The following PPP3R1 variants were observed in gnomAD, a reference collection of about 807,000 sequenced individuals.
PPP3R1 encodes the protein protein phosphatase 3 regulatory subunit B, alpha.
Under a neutral mutation model 22.6 loss-of-function variants are expected in PPP3R1, and 5 were observed. The ratio of observed to expected loss-of-function variants is 0.22; its 90% confidence interval spans 0.12 to 0.46. The LOEUF (loss-of-function observed/expected upper bound fraction) is 0.46, where lower values mean the gene tolerates loss of function less well. Among genes scored for constraint, PPP3R1 ranks in the 20% least tolerant of loss-of-function variants. The pLI, the probability that PPP3R1 is intolerant of heterozygous loss-of-function variation, is 0.99. For missense variants in PPP3R1, 61 were observed against 203.2 expected, an observed-to-expected ratio of 0.30 and a Z score of 4.25; for synonymous variants, 56 against 65.2, an observed-to-expected ratio of 0.86 and a Z score of 0.68.
chr2:68,184,460 A>G (rs557186602), intron 5 of PPP3R1, among the ~76,000 whole-genome samples: 12 of 152,200 alleles, frequency 7.9e-5, no homozygotes, highest in East Asian at 3.9e-4. Flanking sequence ...TTTCTAATTC[A>G]TTGCATTTTA....
chr2:68,234,236 G>A (rs977598716), intron 1 of PPP3R1, among the ~76,000 whole-genome samples: 1 of 152,002 alleles, frequency 6.6e-6, no homozygotes, highest in Non-Finnish European at 1.5e-5. Context: ...CCAGCTACTC[G>A]GGAGGCTAAG....
At chr2:68,214,522 GA>G (rs1669540340) in intron 2 of PPP3R1, among the ~76,000 whole-genome samples, 1 of 152,032 alleles carries the variant, frequency 6.6e-6, no homozygotes, top group African/African-American at 2.4e-5. Flanking sequence ...ACAATCATAT[GA>G]AAAAAATTCT....
chr2:68,244,739 GTCTT>G (rs1670202570), intron 1 of PPP3R1, among the ~76,000 whole-genome samples: 1 of 151,630 alleles, frequency 6.6e-6, no homozygotes, highest in African/African-American at 2.4e-5. Flanking sequence ...ATTATCCTTT[GTCTT>G]TCTTTCATAA....
chr2:68,194,927 C>T (rs1674737491), intron 2 of PPP3R1, among the ~76,000 whole-genome samples: 1 of 152,018 alleles, frequency 6.6e-6, no homozygotes, highest in Non-Finnish European at 1.5e-5. Context: ...TAAAACAAAG[C>T]AAGTATCTCT....
At chr2:68,182,076 C>G (rs1354401097) in intron 5 of PPP3R1, among the ~76,000 whole-genome samples, 5 of 69,254 alleles carry the variant, frequency 7.2e-5, no homozygotes, top group African/African-American at 4.3e-4. Flanking sequence ...CTCCAACCCC[C>G]CCCTCCCCCC....
chr2:68,239,545 G>A (rs1007248975), intron 1 of PPP3R1, among the ~76,000 whole-genome samples: 1 of 152,160 alleles, frequency 6.6e-6, no homozygotes, highest in Non-Finnish European at 1.5e-5. Context: ...TGAGTTTGAG[G>A]TGTCTTAGAA....
In PPP3R1 at chr2:68,248,519, A is replaced by G. The variant is rs980510380; in HGVS notation, c.3+3606T>C. On this transcript the variant is annotated intron_variant, in intron 1 of 5. Transcript: ENST00000234310. ...CAGTGGTTCTCAAAGTTCAGCCTAT[A>G]TCACAATTACCTGGAAGACCTATAA... is the stretch of plus-strand genomic sequence containing the variant. 2.6e-5 allele frequency among the ~76,000 whole-genome samples: 4 copies of G among 152,324 alleles called. No homozygotes were observed. The South Asian group carries it at 6.2e-4, about 24-fold the overall frequency.
At chr2:68,188,931 T>C (rs1674605289) in intron 2 of PPP3R1, among the ~76,000 whole-genome samples, 1 of 152,156 alleles carries the variant, frequency 6.6e-6, no homozygotes, top group Non-Finnish European at 1.5e-5. Context: ...TCTGTTTGTT[T>C]GCACCTGCCA....
At chr2:68,226,578 A>G (rs977060404) in intron 1 of PPP3R1, among the ~76,000 whole-genome samples, 1 of 152,188 alleles carries the variant, frequency 6.6e-6, no homozygotes, top group African/African-American at 2.4e-5. Flanking sequence ...CAGAATCATG[A>G]GACACCAAAA....
chr2:68,243,244 A>G (rs929728713), intron 1 of PPP3R1, among the ~76,000 whole-genome samples: 2 of 152,214 alleles, frequency 1.3e-5, no homozygotes, highest in African/African-American at 4.8e-5. Context: ...TTCATAGTAC[A>G]AGACTATAAA....
At chr2:68,200,541 A>G (rs1316889680) in intron 2 of PPP3R1, among the ~76,000 whole-genome samples, 3 of 152,230 alleles carry the variant, frequency 2.0e-5, no homozygotes, top group Non-Finnish European at 4.4e-5. Context: ...GAAACCTTGA[A>G]GATGACAAAC....
At chr2:68,235,837 T>G (rs1336401778) in intron 1 of PPP3R1, among the ~76,000 whole-genome samples, 3 of 152,234 alleles carry the variant, frequency 2.0e-5, no homozygotes, top group African/African-American at 7.2e-5. Flanking sequence ...TTCCAGTTTC[T>G]CCACATCCTT....
chr2:68,183,084 T>A (rs1000890035), intron 5 of PPP3R1, among the ~76,000 whole-genome samples: 2 of 152,172 alleles, frequency 1.3e-5, no homozygotes, highest in African/African-American at 2.4e-5. Context: ...GATCCTACAC[T>A]CTCTACTTGT....
At chr2:68,202,627 G>T (rs778280518) in intron 2 of PPP3R1, among the ~76,000 whole-genome samples, 1 of 151,046 alleles carries the variant, frequency 6.6e-6, no homozygotes, top group Non-Finnish European at 1.5e-5. Context: ...GTTTCACCAT[G>T]TTGGCCAGGC....
At chr2:68,186,343 C>A in intron 5 of PPP3R1, 125 bp downstream of exon 5, 1 of 831,874 alleles carries the variant, frequency 1.2e-6, no homozygotes. Flanking sequence ...CAAAACAATA[C>A]GGGCAATTAG....
intron 2 of PPP3R1, among the ~76,000 whole-genome samples, chr2:68,204,620 T>C (rs1191155930): frequency 6.6e-6 from 1 of 152,130 alleles, no homozygotes; most frequent in Middle Eastern, 3.2e-3. Context: ...ATTGTGCCCC[T>C]CTCCTGAGGC....
intron 2 of PPP3R1, among the ~76,000 whole-genome samples, chr2:68,204,758 G>C (rs567235373): frequency 1.3e-5 from 2 of 152,250 alleles, no homozygotes; most frequent in South Asian, 2.1e-4. Context: ...TAACTACCAG[G>C]TTTTCCCAAA....
In PPP3R1 at chr2:68,249,725, T is replaced by C. The variant is rs115504807; in HGVS notation, c.3+2400A>G. On this transcript the variant is annotated intron_variant, in intron 1 of 5. Coordinates refer to ENST00000234310, the MANE Select transcript of PPP3R1 (RefSeq NM_000945.4). ...TGAAGGGAGGGAAAGACTTTAACTTTCAGGAAAAAAAAAAATAAACTACGT... is the reference window on the plus strand; with the variant it reads ...TGAAGGGAGGGAAAGACTTTAACTTCCAGGAAAAAAAAAAATAAACTACGT... Among the ~76,000 whole-genome samples the C allele has an allele frequency of 4.9e-3, 737 of 149,182 alleles. 11 individuals carry two copies. Among genetic ancestry groups the C allele is most frequent in the African/African-American group, 0.017 (697 of 40,564 alleles).
At chr2:68,181,528 T>TAC (rs1674400834) in intron 5 of PPP3R1, among the ~76,000 whole-genome samples, 1 of 151,890 alleles carries the variant, frequency 6.6e-6, no homozygotes, top group Non-Finnish European at 1.5e-5. Context: ...TAACAGGCAT[T>TAC]ACTTTTTGGG....
Sources: gnomAD v4.1 joint callset for allele counts (sites outside exome capture counted in the v4.1 genomes callset) on GRCh38, gnomAD v4.1.1 for gene constraint, MANE v1.5 for transcripts, NCBI Gene and HGNC (gene_info 2026-07-23, HGNC 2026-07-21) for gene names.